ZNF438: variants seen among roughly 807,000 people sequenced by gnomAD.
The protein encoded by ZNF438 is zinc finger protein 438.
In ZNF438, 25 loss-of-function variants were observed where a neutral mutation model predicts 38.0. That is an observed-to-expected ratio of 0.66 (90% CI 0.48 to 0.92). The LOEUF (loss-of-function observed/expected upper bound fraction) is 0.92. ZNF438 is among the 40% of genes least tolerant of loss of function. ZNF438 has a pLI of 0.00. For missense variants in ZNF438, 1,007 were observed against 999.6 expected (o/e 1.01, Z -0.10); for synonymous variants, 372 against 364.1 (o/e 1.02, Z -0.25).
chr10:30,995,801 A>T (rs561132848), intron 1 of ZNF438, among the ~76,000 whole-genome samples: 1 of 152,350 alleles, frequency 6.6e-6, no homozygotes, highest in Admixed American at 6.5e-5. Context: ...GCTAACTCAA[A>T]TATGCAGAAA....
chr10:30,964,995 G>A (rs1482309365), intron 1 of ZNF438, among the ~76,000 whole-genome samples: 1 of 152,138 alleles, frequency 6.6e-6, no homozygotes, highest in Non-Finnish European at 1.5e-5. Context: ...ACTATCAACA[G>A]CATAAACAGA....
chr10:30,949,250 G>T (rs1448863813), intron 1 of ZNF438, among the ~76,000 whole-genome samples: 2 of 151,808 alleles, frequency 1.3e-5, no homozygotes, highest in East Asian at 3.8e-4. Context: ...CCTGAAGGAA[G>T]CGCTAAACAT....
chr10:30,943,928 G>A (rs73252649), intron 1 of ZNF438, among the ~76,000 whole-genome samples: 1 of 151,978 alleles, frequency 6.6e-6, no homozygotes, highest in Non-Finnish European at 1.5e-5. Context: ...TAAATTTCTA[G>A]GGAAGTGAAG....
At chr10:30,891,233 T>TC (rs1181042422) in intron 3 of ZNF438, among the ~76,000 whole-genome samples, 5 of 152,214 alleles carry the variant, frequency 3.3e-5, no homozygotes, top group Non-Finnish European at 4.4e-5. Flanking sequence ...TCTCTTTTTT[T>TC]CCCCCTTGAA....
Position 30,961,806 on chromosome 10 carries a change from T to C in ZNF438, c.-191-20155A>G, listed in dbSNP as rs188788836. Among the ~76,000 whole-genome samples the C allele has an allele frequency of 3.7e-3, 526 of 143,768 alleles. 66 individuals are homozygous for C. In the Middle Eastern group the frequency reaches 0.04, roughly 11 times the overall value. The allele number at this position is 143,768 out of a possible 152,430, so 94.3% of individuals were successfully genotyped here. A position where few individuals can be genotyped will look rare whatever the true frequency, so the allele number is the denominator to read the frequency against. ...AGGAGGCTGAGGCAGCAGAATCGCT[T>C]GAACCCGGGAGGTGGAGGTTGCAGT... is the stretch of plus-strand genomic sequence containing the variant. On this transcript the variant is annotated intron_variant, in intron 1 of 5. Transcript: ENST00000413025.
At chr10:30,898,134 G>A (rs2041574958) in intron 3 of ZNF438, among the ~76,000 whole-genome samples, 1 of 152,214 alleles carries the variant, frequency 6.6e-6, no homozygotes, top group Admixed American at 6.5e-5. Flanking sequence ...GATTTCAAGA[G>A]GTAAGAAATT....
chr10:30,901,406 C>CGTG (rs1376881052), intron 3 of ZNF438, among the ~76,000 whole-genome samples: 2 of 151,172 alleles, frequency 1.3e-5, no homozygotes, highest in Admixed American at 1.3e-4. Flanking sequence ...TTCTTAAAGG[C>CGTG]GGCACGTCCG....
chr10:30,915,255 T>A (rs2043489388), intron 2 of ZNF438, among the ~76,000 whole-genome samples: 1 of 152,046 alleles, frequency 6.6e-6, no homozygotes, highest in Admixed American at 6.6e-5. Flanking sequence ...CTTCAATACT[T>A]AGGATGAAAT....
Position 30,914,652 on chromosome 10 carries a change from C to T in ZNF438, c.-114-5637G>A, listed in dbSNP as rs1315601016. ...AAAAAACAGCTTTAAAGTGGTTTCACAGCATTTCTCAAAGACACTGGATTA... is the reference window on the plus strand; with the variant it reads ...AAAAAACAGCTTTAAAGTGGTTTCATAGCATTTCTCAAAGACACTGGATTA... On this transcript the variant is annotated intron_variant, in intron 2 of 5. Coordinates refer to ENST00000413025, the Ensembl canonical transcript of ZNF438. 2.0e-5 allele frequency among the ~76,000 whole-genome samples: 3 copies of T among 151,908 alleles called. No homozygotes were observed. In the East Asian group the frequency reaches 5.8e-4, roughly 29 times the overall value.
intron 1 of ZNF438, among the ~76,000 whole-genome samples, chr10:31,008,357 C>A (rs1005536286): frequency 6.6e-6 from 1 of 152,082 alleles, no homozygotes; most frequent in Non-Finnish European, 1.5e-5. Flanking sequence ...TTAGTATATT[C>A]AGAGTTGTGC....
intron 1 of ZNF438, among the ~76,000 whole-genome samples, chr10:30,979,259 C>T (rs1050499496): frequency 6.6e-6 from 1 of 152,110 alleles, no homozygotes; most frequent in Non-Finnish European, 1.5e-5. Flanking sequence ...CTGCAGCTTA[C>T]GGAACAAAAA....
intron 3 of ZNF438, among the ~76,000 whole-genome samples, chr10:30,877,847 G>C (rs76405941): frequency 0.016 from 2,448 of 152,146 alleles, 57 homozygotes; most frequent in African/African-American, 0.054. Flanking sequence ...ACCAAGTACA[G>C]AGCCCATTAA....
At chr10:31,024,521 G>T (rs1357937778) in intron 1 of ZNF438, among the ~76,000 whole-genome samples, 1 of 152,154 alleles carries the variant, frequency 6.6e-6, no homozygotes, top group Non-Finnish European at 1.5e-5. Flanking sequence ...CTAGCTACTA[G>T]GGAGGCTGAG....
At chr10:31,027,930 C>T (rs553981241) in intron 1 of ZNF438, among the ~76,000 whole-genome samples, 2 of 152,134 alleles carry the variant, frequency 1.3e-5, no homozygotes, top group South Asian at 4.2e-4. Context: ...ATAATTCTTA[C>T]ATGGTTTAAA....
intron 2 of ZNF438, among the ~76,000 whole-genome samples, chr10:30,933,858 C>T (rs1030969475): frequency 5.9e-5 from 9 of 152,014 alleles, no homozygotes; most frequent in Non-Finnish European, 1.2e-4. Context: ...CTGAAATCAG[C>T]GCTTGAGGAC....
intron 4 of ZNF438, 21 bp from the exon 6 acceptor site, chr10:30,850,388 A>G (rs2033368024): frequency 1.2e-6 from 2 of 1,600,136 alleles, no homozygotes; most frequent in Non-Finnish European, 1.7e-6. Context: ...AATAAAATAT[A>G]AAGAGTTACT....
intron 1 of ZNF438, among the ~76,000 whole-genome samples, chr10:30,989,074 TGA>T (rs1369864075): frequency 7.9e-5 from 12 of 152,330 alleles, no homozygotes; most frequent in African/African-American, 2.9e-4. Flanking sequence ...ATAGAAATGC[TGA>T]GTTTCCAGCC....
chr10:30,957,617 T>C (rs887890574), intron 1 of ZNF438, among the ~76,000 whole-genome samples: 5 of 152,182 alleles, frequency 3.3e-5, no homozygotes, highest in Admixed American at 2.0e-4. Flanking sequence ...AGGATGTCCT[T>C]TCCCCAATGT....
chr10:31,004,201 C>T (rs2054913158), intron 1 of ZNF438, among the ~76,000 whole-genome samples: 1 of 152,166 alleles, frequency 6.6e-6, no homozygotes, highest in Non-Finnish European at 1.5e-5. Flanking sequence ...ATCCACAAGA[C>T]ATCCCCTGAC....
Sources: allele counts gnomAD v4.1 joint callset (sites outside exome capture counted in the v4.1 genomes callset), GRCh38; gene constraint gnomAD v4.1.1; transcripts MANE v1.5; gene names NCBI Gene and HGNC (gene_info 2026-07-23, HGNC 2026-07-21).